ITGB3: variants seen among roughly 807,000 people sequenced by gnomAD.
ITGB3 encodes integrin beta-3.
ITGB3 carries 48 observed loss-of-function variants against 85.8 expected under a neutral mutation model. The observed-to-expected ratio is 0.56, with a 90% CI of 0.44 to 0.71. The LOEUF (loss-of-function observed/expected upper bound fraction) is 0.71, where lower values mean the gene tolerates loss of function less well. Among genes scored for constraint, ITGB3 ranks in the 30% least tolerant of loss-of-function variants. The pLI is 0.00. For synonymous variants in ITGB3, 363 were observed against 395.6 expected, an observed-to-expected ratio of 0.92 and a Z score of 0.98; for missense variants, 861 against 1,019.1, an observed-to-expected ratio of 0.84 and a Z score of 2.11.
At chr17:47,267,901 T>G (rs1241412996) in intron 1 of ITGB3, among the ~76,000 whole-genome samples, 1 of 152,140 alleles carries the variant, frequency 6.6e-6, no homozygotes, top group Non-Finnish European at 1.5e-5. Context: ...TAAAAACATA[T>G]CCAAGATTTG....
intron 2 of ITGB3, among the ~76,000 whole-genome samples, chr17:47,281,955 G>A (rs2065085160): frequency 6.6e-6 from 1 of 151,982 alleles, no homozygotes; most frequent in South Asian, 2.1e-4. Context: ...TAACCATTTT[G>A]TTTTGTTTTG....
rs1415904440 is a variant in ITGB3, at chr17:47,283,429, G to A, written c.241G>A (p.Glu81Lys). Residue 81 changes from glutamate to lysine, a missense_variant, in exon 3 of 15, where the codon GAG becomes AAG. Coordinates refer to ENST00000559488, the MANE Select transcript of ITGB3 (RefSeq NM_000212.3). ...GGATAACTGTGCCCCAGAATCCATC[G>A]AGTTCCCAGTGAGTGAGGCCCGAGT... ...LKDNCAPESI[E>K]FPVSEARVLE... 3 of 1,614,174 alleles carry A rather than the reference G, an allele frequency of 1.9e-6. No individual in the cohort carries two copies. Among genetic ancestry groups the A allele is most frequent in the Non-Finnish European group, 1.7e-6 (2 of 1,180,034 alleles).
chr17:47,300,334 G>GGCGCGT (rs1555573397), intron 11 of ITGB3, 144 bp from the exon 12 acceptor site: 2 of 501,886 alleles, frequency 4.0e-6, no homozygotes, highest in Non-Finnish European at 7.3e-6. Flanking sequence ...TTGTCTTACA[G>GGCGCGT]GCGCGCGCGC....
intron 2 of ITGB3, among the ~76,000 whole-genome samples, chr17:47,277,209 A>G (rs1362280306): frequency 6.6e-6 from 1 of 152,202 alleles, no homozygotes; most frequent in Non-Finnish European, 1.5e-5. Context: ...GCGTAGTCTT[A>G]GTCTCAACAG....
rs575245380 is a variant in ITGB3, at chr17:47,306,585, C to G, written c.2135-886C>G. On this transcript the variant is annotated intron_variant, in intron 13 of 14. Transcript: ENST00000559488. ...AGCCACTGGGCCTGGCCTGGATTTT[C>G]TTTTTAAAGAGACTAATATGAAATT... 2.6e-5 allele frequency among the ~76,000 whole-genome samples: 4 copies of G among 152,196 alleles called. No individual in the cohort carries two copies. The East Asian group carries it at 7.7e-4, about 29-fold the overall frequency.
At chr17:47,286,136 T>C in intron 4 of ITGB3, 124 bp from the exon 5 acceptor site, 1 of 1,078,458 alleles carries the variant, frequency 9.3e-7, no homozygotes. Flanking sequence ...TCTGGGTAAC[T>C]GTGGTTGTAT....
intron 1 of ITGB3, among the ~76,000 whole-genome samples, chr17:47,260,866 A>G (rs2065006757): frequency 6.6e-6 from 1 of 151,782 alleles, no homozygotes; most frequent in South Asian, 2.1e-4. Context: ...ATGTATATTT[A>G]TGATGTACAA....
At chr17:47,254,228 C>A (rs1238665653) in intron 1 of ITGB3, among the ~76,000 whole-genome samples, 1 of 152,010 alleles carries the variant, frequency 6.6e-6, no homozygotes, top group Non-Finnish European at 1.5e-5. Context: ...GTGCGGTGGG[C>A]GCATCTCTGA....
At chr17:47,287,005 C>T (rs55852395) in intron 5 of ITGB3, 65 bp from the exon 6 acceptor site, 1 of 1,558,672 alleles carries the variant, frequency 6.4e-7, no homozygotes, top group African/African-American at 1.4e-5. Flanking sequence ...TCTCTGTTCT[C>T]TACCAGTGAC....
At chr17:47,256,985 T>C (rs2064992756) in intron 1 of ITGB3, among the ~76,000 whole-genome samples, 1 of 152,178 alleles carries the variant, frequency 6.6e-6, no homozygotes, top group African/African-American at 2.4e-5. Flanking sequence ...CTTGACTTTG[T>C]CTCCTGTAGG....
At chr17:47,263,737 G>C (rs975226041) in intron 1 of ITGB3, among the ~76,000 whole-genome samples, 77 of 152,174 alleles carry the variant, frequency 5.1e-4, no homozygotes, top group African/African-American at 1.7e-3. Context: ...TGATCTACCC[G>C]CCTTGGCCTC....
chr17:47,258,237 G>A (rs1303303207), intron 1 of ITGB3, among the ~76,000 whole-genome samples: 1 of 152,144 alleles, frequency 6.6e-6, no homozygotes, highest in African/African-American at 2.4e-5. Flanking sequence ...CCCTTCCTGA[G>A]TGGGACCTTC....
At chr17:47,291,412 C>T (rs1169029552) in intron 9 of ITGB3, 3 of 539,486 alleles carry the variant, frequency 5.6e-6, no homozygotes, top group East Asian at 3.0e-5. Flanking sequence ...CCTCACCAGT[C>T]GCCAGCCTTT....
intron 1 of ITGB3, among the ~76,000 whole-genome samples, chr17:47,266,344 C>T (rs1187479261): frequency 6.6e-6 from 1 of 152,320 alleles, no homozygotes; most frequent in African/African-American, 2.4e-5. Flanking sequence ...TGGCCTGTTC[C>T]TACAGTCCAG....
intron 8 of ITGB3, among the ~76,000 whole-genome samples, 174 bp downstream of exon 8, chr17:47,290,448 A>AGAAGGAAGGAAGGAAG (rs112290297): frequency 0.048 from 7,077 of 148,974 alleles, 233 homozygotes; most frequent in Admixed American, 0.1. Context: ...CAGCCTTCTG[A>AGAAGGAAGGAAGGAAG]GAAGGAAGGA....
chr17:47,296,230 T>A (rs574410426), intron 10 of ITGB3, among the ~76,000 whole-genome samples: 2 of 152,300 alleles, frequency 1.3e-5, no homozygotes, highest in Non-Finnish European at 2.9e-5. Flanking sequence ...GCAGCTTGGG[T>A]TATGTCCGCC....
intron 6 of ITGB3, 145 bp from the exon 7 acceptor site, chr17:47,289,536 G>T (rs552131085): frequency 5.9e-6 from 4 of 677,222 alleles, no homozygotes; most frequent in African/African-American, 1.8e-5. Flanking sequence ...TGTTGCCCAG[G>T]CTCTTGTCTC....
chr17:47,279,170 G>C (rs2065074476), intron 2 of ITGB3, among the ~76,000 whole-genome samples: 1 of 152,154 alleles, frequency 6.6e-6, no homozygotes, highest in Non-Finnish European at 1.5e-5. Context: ...GGAGAGGGAG[G>C]TAATTCAGCC....
chr17:47,284,835 G>C, intron 4 of ITGB3, 140 bp downstream of exon 4: 1 of 1,192,064 alleles, frequency 8.4e-7, no homozygotes. Flanking sequence ...TGGTCTCCCT[G>C]TTTGGCAAAT....
Sources: gnomAD v4.1 joint callset for allele counts (sites outside exome capture counted in the v4.1 genomes callset) on GRCh38, gnomAD v4.1.1 for gene constraint, MANE v1.5 for transcripts, NCBI Gene and HGNC (gene_info 2026-07-23, HGNC 2026-07-21) for gene names.